Variants in SAMD12 observed in about 807,000 individuals in gnomAD.
SAMD12 encodes sterile alpha motif domain-containing protein 12.
In SAMD12, 9 loss-of-function variants were observed where a neutral mutation model predicts 15.0. That is an observed-to-expected ratio of 0.60 (90% CI 0.36 to 1.05). SAMD12 has a LOEUF of 1.05. Ranked by LOEUF, SAMD12 falls within the 50% of genes least tolerant of loss-of-function variation. The pLI, the probability that SAMD12 is intolerant of heterozygous loss-of-function variation, is 0.01. For synonymous variants in SAMD12, 86 were observed against 90.1 expected (o/e 0.96, Z 0.25); for missense variants, 230 against 234.2 (o/e 0.98, Z 0.12).
Position 118,393,697 on chromosome 8 carries a change from C to T in SAMD12, c.323-13997G>A, listed in dbSNP as rs1820410445. ...CACTGCAACCTCCGCCTCCTGGGTT[C>T]AAGTGATTCTCCTGCCTCAGCCTTC... On this transcript the variant is annotated intron_variant, in intron 3 of 3. Transcript: ENST00000314727. Among the ~76,000 whole-genome samples, 4 of 151,888 alleles carry T rather than the reference C, an allele frequency of 2.6e-5. No individual in the cohort carries two copies. In the South Asian group the frequency reaches 8.3e-4, roughly 32 times the overall value.
chr8:118,529,774 C>T (rs184505987), intron 2 of SAMD12, among the ~76,000 whole-genome samples: 17 of 152,132 alleles, frequency 1.1e-4, no homozygotes, highest in Non-Finnish European at 2.2e-4. Context: ...TGTATGTATG[C>T]GTGTGTCTGT....
chr8:118,347,088 G>C (rs1817703473), intron 4 of SAMD12, among the ~76,000 whole-genome samples: 1 of 152,154 alleles, frequency 6.6e-6, no homozygotes, highest in South Asian at 2.1e-4. Flanking sequence ...ACCATGCCTG[G>C]TTAATTTTCT....
At chr8:118,427,096 C>T (rs1011198473) in intron 3 of SAMD12, among the ~76,000 whole-genome samples, 3 of 152,162 alleles carry the variant, frequency 2.0e-5, no homozygotes, top group African/African-American at 7.2e-5. Context: ...GCTTTGGTAT[C>T]TTCAGATTAT....
At chr8:118,523,524 C>T (rs1825449150) in intron 2 of SAMD12, among the ~76,000 whole-genome samples, 1 of 152,146 alleles carries the variant, frequency 6.6e-6, no homozygotes, top group South Asian at 2.1e-4. Context: ...ACATGGAATA[C>T]TTTCCTCTCT....
intron 4 of SAMD12, among the ~76,000 whole-genome samples, chr8:118,263,246 G>A (rs971953632): frequency 2.0e-5 from 3 of 152,084 alleles, no homozygotes; most frequent in Non-Finnish European, 2.9e-5. Context: ...AAAACCTCAC[G>A]AAAGTGAAGT....
intron 4 of SAMD12, among the ~76,000 whole-genome samples, chr8:118,300,558 C>T (rs1392303945): frequency 3.9e-5 from 6 of 152,222 alleles, no homozygotes; most frequent in East Asian, 3.9e-4. Flanking sequence ...AGAAATAGGA[C>T]GGCAGTAGTT....
the SAMD12 span, among the ~76,000 whole-genome samples, chr8:118,160,993 C>A: frequency 1.3e-5 from 2 of 151,978 alleles, no homozygotes; most frequent in Non-Finnish European, 2.9e-5. Flanking sequence ...CCTTCCTGTG[C>A]CCATGTGTTC....
intron 2 of SAMD12, among the ~76,000 whole-genome samples, chr8:118,557,198 T>G (rs1461491774): frequency 2.0e-5 from 3 of 152,046 alleles, no homozygotes; most frequent in African/African-American, 4.8e-5. Flanking sequence ...GCTGTTCTAG[T>G]GATAGTGAGT....
At chr8:118,620,111 G>A (rs1404013838) in intron 1 of SAMD12, among the ~76,000 whole-genome samples, 2 of 152,156 alleles carry the variant, frequency 1.3e-5, no homozygotes, top group African/African-American at 2.4e-5. Flanking sequence ...CTTCACTGGT[G>A]TAATCACCCA....
chr8:118,219,263 C>G (rs143912325), intron 4 of SAMD12, among the ~76,000 whole-genome samples: 1 of 152,180 alleles, frequency 6.6e-6, no homozygotes, highest in Non-Finnish European at 1.5e-5. Flanking sequence ...CACATCTAGA[C>G]GCAAATTCCT....
intron 4 of SAMD12, among the ~76,000 whole-genome samples, chr8:118,231,390 A>T (rs4612369): frequency 0.048 from 7,328 of 152,170 alleles, 398 homozygotes; most frequent in East Asian, 0.15. Context: ...TAATCTCAAT[A>T]ACCTATGATT....
rs558879748 is a variant in SAMD12, at chr8:118,471,460, C to T, written c.193-31499G>A. 1.1e-4 allele frequency among the ~76,000 whole-genome samples: 16 copies of T among 152,246 alleles called. 1 individual carries two copies. Among genetic ancestry groups the T allele is most frequent in the African/African-American group, 1.2e-4 (5 of 41,558 alleles). ...ATTAAAGTAGTGGGTAAGCCAATAA[C>T]GCCATCGAAATGTTTGATGGCACCA... On this transcript the variant is annotated intron_variant, in intron 2 of 3. Transcript: ENST00000314727.
At chr8:118,445,046 T>C (rs1469167713) in intron 2 of SAMD12, among the ~76,000 whole-genome samples, 1 of 152,188 alleles carries the variant, frequency 6.6e-6, no homozygotes, top group Non-Finnish European at 1.5e-5. Flanking sequence ...CTCTAAGAAT[T>C]GCCTATTTCT....
intron 3 of SAMD12, among the ~76,000 whole-genome samples, chr8:118,381,881 G>A (rs1819690581): frequency 6.6e-6 from 1 of 152,092 alleles, no homozygotes. Flanking sequence ...TTTTCAAGAA[G>A]TCAAACAGAT....
At chr8:118,492,632 T>G (rs1824484617) in intron 2 of SAMD12, among the ~76,000 whole-genome samples, 1 of 152,112 alleles carries the variant, frequency 6.6e-6, no homozygotes, top group African/African-American at 2.4e-5. Context: ...TCACTTGTAT[T>G]ATTACAGTGG....
chr8:118,421,820 C>T (rs1048752971), intron 3 of SAMD12, among the ~76,000 whole-genome samples: 3 of 152,246 alleles, frequency 2.0e-5, no homozygotes, highest in African/African-American at 7.2e-5. Flanking sequence ...TCTACCACAA[C>T]ATCCTGGGAA....
intron 2 of SAMD12, among the ~76,000 whole-genome samples, chr8:118,517,382 A>G (rs1302464221): frequency 1.3e-5 from 2 of 152,222 alleles, no homozygotes; most frequent in African/African-American, 4.8e-5. Context: ...CATTTATAAA[A>G]TGGGGATAGT....
intron 3 of SAMD12, among the ~76,000 whole-genome samples, chr8:118,395,246 T>C (rs566945852): frequency 6.6e-6 from 1 of 152,256 alleles, no homozygotes; most frequent in South Asian, 2.1e-4. Flanking sequence ...AATTTATATT[T>C]ACAAACACTC....
chr8:118,214,329 T>TTGTTCACCTTCTATGTCAGGA (rs1811906445), intron 4 of SAMD12, among the ~76,000 whole-genome samples: 2 of 152,356 alleles, frequency 1.3e-5, no homozygotes, highest in East Asian at 3.9e-4. Context: ...TTTCACACTG[T>TTGTTCACCTTCTATGTCAGGA]TGTTCACCTT....
Sources: gnomAD v4.1 joint callset for allele counts (sites outside exome capture counted in the v4.1 genomes callset) on GRCh38, gnomAD v4.1.1 for gene constraint, MANE v1.5 for transcripts, NCBI Gene and HGNC (gene_info 2026-07-23, HGNC 2026-07-21) for gene names.